Variants in DLC1 observed in about 807,000 individuals in gnomAD.
DLC1 encodes the protein DLC1 Rho GTPase activating protein, also known as rho GTPase-activating protein 7.
Under a neutral mutation model 140.3 loss-of-function variants are expected in DLC1, and 54 were observed. The observed-to-expected ratio is 0.38, with a 90% confidence interval of 0.31 to 0.48. The LOEUF (loss-of-function observed/expected upper bound fraction) is 0.48, where lower values mean the gene tolerates loss of function less well. Ranked by LOEUF, DLC1 falls within the 20% of genes least tolerant of loss-of-function variation. DLC1 has a pLI of 0.96. For missense variants in DLC1, 2,536 were observed against 1,907.0 expected, an observed-to-expected ratio of 1.33 and a Z score of -6.14; for synonymous variants, 986 against 728.1, an observed-to-expected ratio of 1.35 and a Z score of -5.70.
At chr8:13,556,203 C>A (rs981690920) in intron 1 of DLC1, among the ~76,000 whole-genome samples, 1 of 152,068 alleles carries the variant, frequency 6.6e-6, no homozygotes, top group African/African-American at 2.4e-5. Flanking sequence ...CTTTATGATG[C>A]AAATTCTGAT....
At chr8:13,590,077 A>ATATATATCTC (rs11272767) in intron 1 of DLC1, among the ~76,000 whole-genome samples, 1 of 145,192 alleles carries the variant, frequency 6.9e-6, no homozygotes, top group African/African-American at 2.6e-5. Flanking sequence ...ATATATATAT[A>ATATATATCTC]CAAACACATG....
chr8:13,432,151 C>T (rs1440404563), intron 2 of DLC1, among the ~76,000 whole-genome samples: 2 of 152,044 alleles, frequency 1.3e-5, no homozygotes, highest in East Asian at 1.9e-4. Flanking sequence ...ACATCCTCAC[C>T]AAAATATATC....
intron 7 of DLC1, among the ~76,000 whole-genome samples, chr8:13,106,407 G>T (rs1021700094): frequency 1.3e-5 from 2 of 152,256 alleles, no homozygotes; most frequent in East Asian, 1.9e-4. Context: ...GAATGCAATG[G>T]TGCTATCATG....
chr8:13,303,555 A>C lies in DLC1; in HGVS notation c.1348+1714T>G, dbSNP rs192470441. ...AGGTGCTCACACCTGTAATCCCAGC[A>C]CTTTGGGAGGCCGAGGCGGGCGGAT... On this transcript the variant is annotated intron_variant, in intron 5 of 17. Transcript: ENST00000276297. Among the ~76,000 whole-genome samples the C allele has an allele frequency of 7.8e-3, 1,189 of 152,300 alleles. 9 individuals carry two copies. The highest frequency in any genetic ancestry group is 0.012 in the Non-Finnish European group (819 of 68,028).
intron 2 of DLC1, among the ~76,000 whole-genome samples, chr8:13,452,171 TTAA>T (rs1433975410): frequency 1.2e-4 from 18 of 151,106 alleles, no homozygotes; most frequent in South Asian, 2.1e-4. Context: ...ATTTGTTAAT[TTAA>T]TAATTAAAAT....
intron 5 of DLC1, among the ~76,000 whole-genome samples, chr8:13,237,689 A>T (rs749966943): frequency 6.6e-6 from 1 of 151,858 alleles, no homozygotes; most frequent in Non-Finnish European, 1.5e-5. Context: ...CTTAGCTCCC[A>T]CTTATGAGAG....
intron 10 of DLC1, 51 bp from the exon 11 acceptor site, chr8:13,095,296 C>T: frequency 6.2e-7 from 1 of 1,607,998 alleles, no homozygotes; most frequent in South Asian, 1.1e-5. Context: ...GCTCACTTGT[C>T]TGTCTACACT....
chr8:13,142,855 G>A (rs1254305881), intron 5 of DLC1, among the ~76,000 whole-genome samples: 1 of 152,150 alleles, frequency 6.6e-6, no homozygotes, highest in East Asian at 1.9e-4. Context: ...TTCGAGGCCA[G>A]CCTGACCAAC....
intron 2 of DLC1, among the ~76,000 whole-genome samples, chr8:13,493,370 C>A (rs993892262): frequency 6.6e-6 from 1 of 152,060 alleles, no homozygotes; most frequent in African/African-American, 2.4e-5. Flanking sequence ...GCTTAACTAT[C>A]TTTTAGGTTT....
chr8:13,112,000 A>C (rs1260298512), intron 6 of DLC1, among the ~76,000 whole-genome samples: 2 of 152,018 alleles, frequency 1.3e-5, no homozygotes, highest in Non-Finnish European at 2.9e-5. Context: ...ATCTAAAAAA[A>C]TTTTACTGGG....
At chr8:13,294,504 A>G (rs1831874052) in intron 5 of DLC1, among the ~76,000 whole-genome samples, 1 of 152,194 alleles carries the variant, frequency 6.6e-6, no homozygotes, top group African/African-American at 2.4e-5. Context: ...CCGGGAAGCC[A>G]GGACACAAAT....
intron 2 of DLC1, among the ~76,000 whole-genome samples, chr8:13,481,961 G>A (rs1800758551): frequency 6.6e-6 from 1 of 152,142 alleles, no homozygotes; most frequent in African/African-American, 2.4e-5. Context: ...GCCAAAGAAT[G>A]CCAAAGATTA....
intron 5 of DLC1, among the ~76,000 whole-genome samples, chr8:13,142,852 C>T (rs1301055529): frequency 6.6e-6 from 1 of 152,076 alleles, no homozygotes; most frequent in African/African-American, 2.4e-5. Flanking sequence ...GAGTTCGAGG[C>T]CAGCCTGACC....
intron 1 of DLC1, among the ~76,000 whole-genome samples, chr8:13,531,360 C>T (rs187193722): frequency 8.5e-5 from 13 of 152,150 alleles, no homozygotes; most frequent in Admixed American, 2.0e-4. Flanking sequence ...CCAAGGCGGG[C>T]GGATCACCTG....
intron 5 of DLC1, among the ~76,000 whole-genome samples, chr8:13,173,591 C>T (rs949002757): frequency 2.0e-5 from 3 of 152,128 alleles, no homozygotes; most frequent in African/African-American, 4.8e-5. Flanking sequence ...AGAATGGCCT[C>T]GATCTCCTGA....
intron 1 of DLC1, among the ~76,000 whole-genome samples, chr8:13,579,601 A>ATATATTATATTTTATATTATATATT (rs1805005081): frequency 1.5e-5 from 2 of 130,316 alleles, no homozygotes; most frequent in East Asian, 2.1e-4. Context: ...TATATATTTA[A>ATATATTATATTTTATATTATATATT]TATATTATAT....
intron 2 of DLC1, among the ~76,000 whole-genome samples, chr8:13,434,051 C>A (rs1563342960): frequency 6.6e-6 from 1 of 152,000 alleles, no homozygotes. Flanking sequence ...TGTTTTTGGT[C>A]TTTTTAATTG....
At chr8:13,395,177 A>G (rs1836978586) in intron 3 of DLC1, among the ~76,000 whole-genome samples, 1 of 150,784 alleles carries the variant, frequency 6.6e-6, no homozygotes, top group Non-Finnish European at 1.5e-5. Context: ...CTGGAGTGCA[A>G]TGGCGCAATC....
intron 2 of DLC1, among the ~76,000 whole-genome samples, chr8:13,402,447 G>T (rs1837339093): frequency 6.6e-6 from 1 of 152,104 alleles, no homozygotes; most frequent in Non-Finnish European, 1.5e-5. Context: ...ATGGGGTACG[G>T]TATTGGCTAA....
Sources: allele counts gnomAD v4.1 joint callset (sites outside exome capture counted in the v4.1 genomes callset), GRCh38; gene constraint gnomAD v4.1.1; transcripts MANE v1.5; gene names NCBI Gene and HGNC (gene_info 2026-07-23, HGNC 2026-07-21).